UPP2: variants seen among roughly 807,000 people sequenced by gnomAD.
The protein encoded by UPP2 is uridine phosphorylase 2.
Under a neutral mutation model 26.7 loss-of-function variants are expected in UPP2, and 23 were observed. That is an observed-to-expected ratio of 0.86 (90% confidence interval 0.62 to 1.22). UPP2 has a LOEUF of 1.22. UPP2 is among the 50% of genes most tolerant of loss of function. The probability of loss-of-function intolerance (pLI) is 0.00; values close to 1 mark genes in which losing one functional copy is unlikely to be tolerated. For synonymous variants in UPP2, 127 were observed against 141.3 expected, an observed-to-expected ratio of 0.90 and a Z score of 0.72; for missense variants, 387 against 396.7, an observed-to-expected ratio of 0.98 and a Z score of 0.21.
At chr2:158,134,710 C>A in intron 6 of UPP2, 38 bp from the exon 7 acceptor site, 2 of 1,552,224 alleles carry the variant, frequency 1.3e-6, no homozygotes, top group Non-Finnish European at 1.7e-6. Context: ...AAAAGATGAA[C>A]CCATTCATTC....
At chr2:158,015,725 A>C in intron 2 of UPP2, 1 of 444,886 alleles carries the variant, frequency 2.2e-6, no homozygotes, top group Non-Finnish European at 4.5e-6. Flanking sequence ...GAGCTCTCAC[A>C]AGATTTGGTT....
intron 3 of UPP2, chr2:158,066,084 T>C (rs1378568977): frequency 3.9e-6 from 1 of 253,572 alleles, no homozygotes; most frequent in Non-Finnish European, 7.7e-6. Flanking sequence ...GGGTCCCTGA[T>C]GCTATTGCCT....
intron 4 of UPP2, among the ~76,000 whole-genome samples, chr2:158,119,228 A>G (rs1187560302): frequency 6.6e-6 from 1 of 152,056 alleles, no homozygotes; most frequent in African/African-American, 2.4e-5. Context: ...GATATTAACA[A>G]ACACCAGCAT....
At chr2:158,067,186 T>C (rs559274023) in intron 3 of UPP2, among the ~76,000 whole-genome samples, 53 of 148,876 alleles carry the variant, frequency 3.6e-4, no homozygotes, top group African/African-American at 1.3e-3. Flanking sequence ...CTTGATAATT[T>C]GTTTTATTAT....
Position 158,106,085 on chromosome 2 carries a change from A to ATT in UPP2, c.63-6_63-5dup. The ATT allele has an allele frequency of 1.3e-6, 2 of 1,528,718 alleles. No homozygotes were observed. The highest frequency in any genetic ancestry group is 1.8e-6 in the Non-Finnish European group (2 of 1,129,092). The allele number at this position is 1,528,718 out of a possible 1,614,324, so 94.7% of individuals were successfully genotyped here. A position where few individuals can be genotyped will look rare whatever the true frequency, so the allele number is the denominator to read the frequency against. Reference sequence around the variant, plus strand: ...AATTCTTTTATATCTTCTTTGTATAATTTTTTTTTCCAGAAAAAGGTTTGT... The same window carrying ATT: ...AATTCTTTTATATCTTCTTTGTATAATTTTTTTTTTTCCAGAAAAAGGTTTGT... On this transcript the variant is annotated splice_polypyrimidine_tract_variant and intron_variant, in intron 1 of 6. Transcript: ENST00000005756.
chr2:158,112,499 G>A (rs34281845), intron 2 of UPP2, among the ~76,000 whole-genome samples: 1 of 151,974 alleles, frequency 6.6e-6, no homozygotes, highest in Non-Finnish European at 1.5e-5. Context: ...TCTATAAAAT[G>A]TTAGAAGAAA....
rs187593270 is a variant in UPP2, at chr2:158,070,879, G to T, written c.148-31161G>T. 4.6e-3 allele frequency among the ~76,000 whole-genome samples: 695 copies of T among 152,320 alleles called. 2 individuals are homozygous for T. The highest frequency in any genetic ancestry group is 4.3e-3 in the Admixed American group (66 of 15,304). ...GAGCACTTTAGGGAGGGAGAGCACA[G>T]TGACTGTAGGACTTGATATTGAACT... is the stretch of plus-strand genomic sequence containing the variant. On this transcript the variant is annotated intron_variant, in intron 3 of 9. Transcript: ENST00000605860.
At chr2:158,041,717 G>A (rs1206822436) in intron 3 of UPP2, among the ~76,000 whole-genome samples, 3 of 152,192 alleles carry the variant, frequency 2.0e-5, no homozygotes, top group African/African-American at 7.2e-5. Context: ...TACATAAGTG[G>A]TCAATTAATT....
upstream of UPP2, among the ~76,000 whole-genome samples, chr2:158,099,791 C>T (rs193106028): frequency 9.9e-5 from 15 of 152,198 alleles, no homozygotes; most frequent in East Asian, 1.9e-3. Flanking sequence ...GTAATAGTGC[C>T]AGCATCATAA....
At chr2:158,083,834 ATATGTT>A (rs1271016939) in intron 3 of UPP2, among the ~76,000 whole-genome samples, 2 of 148,104 alleles carry the variant, frequency 1.4e-5, no homozygotes, top group Non-Finnish European at 3.0e-5. Flanking sequence ...ATATATAGAC[ATATGTT>A]TATGTCTGTT....
chr2:158,074,524 A>G (rs1383947295), intron 3 of UPP2, among the ~76,000 whole-genome samples: 2 of 152,140 alleles, frequency 1.3e-5, no homozygotes, highest in Non-Finnish European at 2.9e-5. Flanking sequence ...CTTTAAAACA[A>G]CGGGTTATAT....
chr2:158,010,712 G>A (rs1187868885), intron 2 of UPP2, among the ~76,000 whole-genome samples: 1 of 151,952 alleles, frequency 6.6e-6, no homozygotes, highest in Non-Finnish European at 1.5e-5. Context: ...ATAGGTAAAA[G>A]GTAATACAAT....
At chr2:158,045,073 T>C (rs1684133219) in intron 3 of UPP2, among the ~76,000 whole-genome samples, 1 of 152,236 alleles carries the variant, frequency 6.6e-6, no homozygotes, top group African/African-American at 2.4e-5. Context: ...TTCTTTTCCC[T>C]TCCAAATCAT....
intron 3 of UPP2, among the ~76,000 whole-genome samples, chr2:158,077,921 A>G (rs1682656037): frequency 1.3e-5 from 2 of 152,142 alleles, no homozygotes; most frequent in Non-Finnish European, 2.9e-5. Context: ...AAAGAGCTCA[A>G]AACAGCTCTA....
intron 3 of UPP2, chr2:158,065,809 A>C: frequency 2.9e-6 from 2 of 701,032 alleles, no homozygotes; most frequent in Non-Finnish European, 5.3e-6. Context: ...AGTCTTGTGA[A>C]AATTAAGTTT....
At chr2:158,015,815 C>A in exon 3 of UPP2, 1 of 453,632 alleles carries the variant, frequency 2.2e-6, no homozygotes, top group South Asian at 1.6e-5. Flanking sequence ...GCCTGCTTCC[C>A]CTTCAACTTC....
chr2:158,006,403 A>C (rs1010421369), intron 2 of UPP2, among the ~76,000 whole-genome samples: 2 of 145,586 alleles, frequency 1.4e-5, no homozygotes, highest in Admixed American at 1.5e-4. Context: ...AGGGAGGCGG[A>C]GCCTCGGCTC....
intron 2 of UPP2, among the ~76,000 whole-genome samples, chr2:158,109,884 C>T (rs537097573): frequency 5.3e-5 from 8 of 152,022 alleles, no homozygotes; most frequent in East Asian, 3.9e-4. Flanking sequence ...TATACATTTC[C>T]GGGGAAGGCA....
rs560711117 is a variant in UPP2 at position 158,111,706 on chromosome 2, T to C, written c.181-3395T>C. On this transcript the variant is annotated intron_variant, in intron 2 of 6. Coordinates refer to ENST00000005756, the MANE Select transcript of UPP2 (RefSeq NM_173355.4). ...TGAACATTTTTTAAATATTCCATTTTTATTTATCTGTTATATTTTGACTAT... is the reference window on the plus strand; with the variant it reads ...TGAACATTTTTTAAATATTCCATTTCTATTTATCTGTTATATTTTGACTAT... 1.5e-3 allele frequency among the ~76,000 whole-genome samples: 233 copies of C among 152,326 alleles called. 1 individual carries two copies. The highest frequency in any genetic ancestry group is 2.9e-3 in the Non-Finnish European group (194 of 68,004).
Sources: allele counts gnomAD v4.1 joint callset (sites outside exome capture counted in the v4.1 genomes callset), GRCh38; gene constraint gnomAD v4.1.1; transcripts MANE v1.5; gene names NCBI Gene and HGNC (gene_info 2026-07-23, HGNC 2026-07-21).